Variants in DENND2A observed in about 807,000 individuals in gnomAD.
DENND2A encodes the protein DENN domain containing 2A.
DENND2A carries 53 observed loss-of-function variants against 105.3 expected under a neutral mutation model. The observed-to-expected ratio is 0.50, with a 90% CI of 0.40 to 0.63. The LOEUF is 0.63. Among genes scored for constraint, DENND2A ranks in the 30% least tolerant of loss-of-function variants. The pLI, the probability that DENND2A is intolerant of heterozygous loss-of-function variation, is 0.00. For synonymous variants in DENND2A, 522 were observed against 508.4 expected, an observed-to-expected ratio of 1.03 and a Z score of -0.36; for missense variants, 1,138 against 1,279.6, an observed-to-expected ratio of 0.89 and a Z score of 1.69.
chr7:140,594,637 CG>C (rs1362410151), intron 3 of DENND2A, among the ~76,000 whole-genome samples: 3 of 152,178 alleles, frequency 2.0e-5, no homozygotes, highest in Non-Finnish European at 4.4e-5. Flanking sequence ...ACAGAGTCTC[CG>C]TCTATCTCGC....
chr7:140,573,445 C>T (rs536956036), intron 6 of DENND2A, among the ~76,000 whole-genome samples: 4 of 152,358 alleles, frequency 2.6e-5, no homozygotes, highest in African/African-American at 9.6e-5. Flanking sequence ...AGACTGGGAC[C>T]TGCCTCTGCA....
At chr7:140,560,366 A>G (rs903556284) in intron 9 of DENND2A, among the ~76,000 whole-genome samples, 3 of 152,222 alleles carry the variant, frequency 2.0e-5, no homozygotes, top group Middle Eastern at 3.2e-3. Flanking sequence ...AGAAGGAAAT[A>G]AGCCCCGAGG....
At position 140,594,034 on chromosome 7, in the gene DENND2A, T is replaced by C. The variant is rs780836651; in HGVS notation, c.996-6254A>G. Among the ~76,000 whole-genome samples the C allele has an allele frequency of 1.2e-4, 18 of 151,834 alleles. 1 individual carries two copies. Among genetic ancestry groups the C allele is most frequent in the Admixed American group, 3.9e-4 (6 of 15,220 alleles). On this transcript the variant is annotated intron_variant, in intron 3 of 19. Transcript: ENST00000496613. ...GATTCTCCTGCCTCAGCCTCCCAAG[T>C]AGCTGGGATTACAGGCACCCACCAT...
At chr7:140,609,244 G>A (rs1037228169) in intron 1 of DENND2A, among the ~76,000 whole-genome samples, 11 of 152,182 alleles carry the variant, frequency 7.2e-5, no homozygotes, top group African/African-American at 2.4e-4. Flanking sequence ...TGGGCATGGT[G>A]GCTCATGCCT....
intron 6 of DENND2A, among the ~76,000 whole-genome samples, chr7:140,572,721 T>C (rs1445588160): frequency 8.1e-6 from 1 of 122,798 alleles, no homozygotes; most frequent in Non-Finnish European, 1.6e-5. Flanking sequence ...ACCACTGTAC[T>C]CCAGCTTGGG....
At chr7:140,619,045 G>A (rs1247833896) in intron 1 of DENND2A, among the ~76,000 whole-genome samples, 6 of 152,220 alleles carry the variant, frequency 3.9e-5, no homozygotes, top group East Asian at 1.9e-4. Flanking sequence ...TGATCTGCCC[G>A]CCTCGGCCTC....
intron 12 of DENND2A, among the ~76,000 whole-genome samples, chr7:140,553,301 A>G (rs1168139632): frequency 6.6e-6 from 1 of 152,242 alleles, no homozygotes; most frequent in Non-Finnish European, 1.5e-5. Flanking sequence ...GCTTTTAGAT[A>G]TGCATACACA....
chr7:140,549,187 T>C (rs1797020483), intron 12 of DENND2A, among the ~76,000 whole-genome samples: 1 of 151,322 alleles, frequency 6.6e-6, no homozygotes. Context: ...GATCGCGCCA[T>C]TGCACTCCAG....
At chr7:140,521,692 G>T (rs2130450386) in intron 18 of DENND2A, among the ~76,000 whole-genome samples, 163 bp downstream of exon 18, 1 of 152,334 alleles carries the variant, frequency 6.6e-6, no homozygotes, top group Non-Finnish European at 1.5e-5. Context: ...AGGAGAGGGG[G>T]CCTTCCTACC....
intron 14 of DENND2A, among the ~76,000 whole-genome samples, chr7:140,530,565 A>G (rs1455846766): frequency 6.6e-6 from 1 of 152,078 alleles, no homozygotes; most frequent in Non-Finnish European, 1.5e-5. Flanking sequence ...CCAAGATTTC[A>G]TTCTTATCCC....
chr7:140,598,549 G>A (rs1488210268), intron 3 of DENND2A, among the ~76,000 whole-genome samples: 3 of 152,122 alleles, frequency 2.0e-5, no homozygotes, highest in Non-Finnish European at 4.4e-5. Flanking sequence ...TATATTCATA[G>A]TTTCTATGAA....
chr7:140,562,747 TG>T (rs760493775), intron 9 of DENND2A, among the ~76,000 whole-genome samples: 5 of 152,144 alleles, frequency 3.3e-5, no homozygotes, highest in Non-Finnish European at 7.3e-5. Flanking sequence ...ATTGAAGCCA[TG>T]GGGTGCCACT....
chr7:140,607,434 T>G (rs377034762), intron 1 of DENND2A, among the ~76,000 whole-genome samples: 10 of 152,220 alleles, frequency 6.6e-5, no homozygotes, highest in South Asian at 4.2e-4. Flanking sequence ...TGTGTGTGTG[T>G]GGGTGGACAG....
At chr7:140,623,592 G>C (rs947088695) in intron 1 of DENND2A, among the ~76,000 whole-genome samples, 1 of 151,936 alleles carries the variant, frequency 6.6e-6, no homozygotes, top group South Asian at 2.1e-4. Context: ...GCCAGGCATG[G>C]TGGCGGGCGC....
chr7:140,610,695 T>C (rs1261179678), intron 1 of DENND2A, among the ~76,000 whole-genome samples: 1 of 152,210 alleles, frequency 6.6e-6, no homozygotes, highest in Admixed American at 6.5e-5. Flanking sequence ...TATAAAGTGT[T>C]TTCCCACAAG....
intron 3 of DENND2A, among the ~76,000 whole-genome samples, chr7:140,597,155 A>G (rs1453948701): frequency 6.6e-6 from 1 of 152,194 alleles, no homozygotes; most frequent in African/African-American, 2.4e-5. Context: ...AGGAAGAGAA[A>G]AAGAAAAATA....
At chr7:140,562,110 G>A (rs1000497546) in intron 9 of DENND2A, among the ~76,000 whole-genome samples, 5 of 151,636 alleles carry the variant, frequency 3.3e-5, no homozygotes, top group Non-Finnish European at 7.4e-5. Context: ...GGCTGGTCTC[G>A]AACTCCTGAT....
chr7:140,591,886 CTT>C (rs1799051140), intron 3 of DENND2A, among the ~76,000 whole-genome samples: 1 of 102,604 alleles, frequency 9.7e-6, no homozygotes, highest in African/African-American at 4.4e-5. Flanking sequence ...TTCCTTCTTT[CTT>C]TCTTTCTTTT....
intron 14 of DENND2A, among the ~76,000 whole-genome samples, chr7:140,529,584 G>A (rs1796184803): frequency 6.6e-6 from 1 of 152,118 alleles, no homozygotes; most frequent in African/African-American, 2.4e-5. Context: ...AGAAAATGTG[G>A]CACATATACA....
Sources: gnomAD v4.1 joint callset for allele counts (sites outside exome capture counted in the v4.1 genomes callset) on GRCh38, gnomAD v4.1.1 for gene constraint, MANE v1.5 for transcripts, NCBI Gene and HGNC (gene_info 2026-07-23, HGNC 2026-07-21) for gene names.